The following KALRN variants were observed in gnomAD, a reference collection of about 807,000 sequenced individuals.
KALRN encodes kalirin RhoGEF kinase, also known as kalirin.
In KALRN, 70 loss-of-function variants were observed where a neutral mutation model predicts 353.7. That is an observed-to-expected ratio of 0.20 (90% CI 0.16 to 0.24). KALRN has a LOEUF of 0.24. Among genes scored for constraint, KALRN ranks in the 10% least tolerant of loss-of-function variants. The pLI is 1.00. For missense variants in KALRN, 2,791 were observed against 3,756.7 expected (o/e 0.74, Z 6.72); for synonymous variants, 1,391 against 1,434.8 (o/e 0.97, Z 0.69).
At chr3:124,479,664 G>T (rs1434312650) in intron 27 of KALRN, among the ~76,000 whole-genome samples, 2 of 149,924 alleles carry the variant, frequency 1.3e-5, no homozygotes, top group African/African-American at 4.9e-5. Context: ...ACTGTAAAGA[G>T]AACACAGAGA....
chr3:124,153,956 G>A (rs2068585250), intron 1 of KALRN, among the ~76,000 whole-genome samples: 1 of 152,058 alleles, frequency 6.6e-6, no homozygotes, highest in Non-Finnish European at 1.5e-5. Context: ...CCCACTTTTT[G>A]ATGGGGTTGT....
In KALRN at chr3:124,162,566, G is replaced by T. The variant is rs192407303; in HGVS notation, c.74-65424G>T. On this transcript the variant is annotated intron_variant, in intron 1 of 59. Transcript: ENST00000682506. ...GCTCTGAGGCAAAGTCAAAACACCT[G>T]GTCTTAGTCCTGAGGTGAGGCCCTC... The T allele has an allele frequency of 2.4e-4, 37 of 152,274 alleles. No individual in the cohort carries two copies. The East Asian group carries it at 6.9e-3, about 29-fold the overall frequency. The allele number at this position is 152,274 out of a possible 1,614,324, so 9.4% of individuals were successfully genotyped here.
intron 1 of KALRN, among the ~76,000 whole-genome samples, chr3:124,225,788 C>G (rs1362055613): frequency 6.6e-6 from 1 of 152,008 alleles, no homozygotes; most frequent in Non-Finnish European, 1.5e-5. Context: ...GAACTAGGAC[C>G]CTCTTGTGTA....
intron 1 of KALRN, among the ~76,000 whole-genome samples, chr3:124,214,055 A>G (rs956263477): frequency 2.0e-5 from 3 of 152,220 alleles, no homozygotes; most frequent in African/African-American, 7.2e-5. Context: ...AAGAATAAAT[A>G]AGAAAAATCT....
chr3:124,432,259 A>C (rs1010420075), intron 16 of KALRN, among the ~76,000 whole-genome samples: 2 of 152,050 alleles, frequency 1.3e-5, no homozygotes, highest in Non-Finnish European at 2.9e-5. Flanking sequence ...AAATACAAAA[A>C]AAAAAGTAGC....
In KALRN at chr3:124,687,984, TA is replaced by T. The variant is rs138691903; in HGVS notation, c.7378-5816del. On this transcript the variant is annotated intron_variant, in intron 51 of 59. Transcript: ENST00000682506. ...GGGATTATGTTGCATTTACATTTTTTAAAATTACAGCTTGTCTTATGCTCAT... is the reference window on the plus strand; with the variant it reads ...GGGATTATGTTGCATTTACATTTTTTAAATTACAGCTTGTCTTATGCTCAT... Among the ~76,000 whole-genome samples, 212 of 152,216 alleles carry T rather than the reference TA, an allele frequency of 1.4e-3. 2 individuals carry two copies. The Middle Eastern group carries it at 0.031, about 22-fold the overall frequency.
intron 1 of KALRN, among the ~76,000 whole-genome samples, chr3:124,052,459 T>C (rs1334290002): frequency 6.6e-6 from 1 of 152,160 alleles, no homozygotes; most frequent in African/African-American, 2.4e-5. Flanking sequence ...GACTAACTTA[T>C]TCATCTTCCT....
chr3:124,467,415 G>A (rs1483538302), intron 25 of KALRN, among the ~76,000 whole-genome samples: 1 of 152,220 alleles, frequency 6.6e-6, no homozygotes, highest in East Asian at 1.9e-4. Flanking sequence ...TCTGCAATAA[G>A]GGTGGAGGTG....
intron 33 of KALRN, among the ~76,000 whole-genome samples, chr3:124,526,164 G>A (rs568306015): frequency 4.7e-4 from 72 of 152,258 alleles, no homozygotes; most frequent in Admixed American, 2.0e-3. Flanking sequence ...TCATTCAAAG[G>A]GGATTGCTTA....
intron 10 of KALRN, among the ~76,000 whole-genome samples, chr3:124,382,468 C>T (rs533378628): frequency 5.9e-5 from 9 of 152,248 alleles, no homozygotes; most frequent in African/African-American, 2.2e-4. Context: ...TGTATTATAG[C>T]AATCAGCCAT....
intron 1 of KALRN, among the ~76,000 whole-genome samples, chr3:124,053,731 C>T (rs1577606291): frequency 6.6e-6 from 1 of 152,196 alleles, no homozygotes; most frequent in Non-Finnish European, 1.5e-5. Context: ...TGTGTGCATG[C>T]ACATGATGTT....
At chr3:124,187,565 T>TGTGGGGAGGG (rs2074383908) in intron 1 of KALRN, among the ~76,000 whole-genome samples, 1 of 152,158 alleles carries the variant, frequency 6.6e-6, no homozygotes, top group Non-Finnish European at 1.5e-5. Flanking sequence ...ATTTGGGTGC[T>TGTGGGGAGGG]GTGGGGAGGG....
At chr3:124,566,836 T>C (rs1178807971) in intron 34 of KALRN, among the ~76,000 whole-genome samples, 2 of 152,182 alleles carry the variant, frequency 1.3e-5, no homozygotes. Flanking sequence ...GACAGAGTGG[T>C]CTCATCTGGT....
chr3:124,519,175 G>C lies in KALRN; in HGVS notation c.4935+22762G>C, dbSNP rs555989726. 26 of 985,020 alleles carry C rather than the reference G, an allele frequency of 2.6e-5. No homozygotes were observed. In the South Asian group the frequency reaches 9.9e-4, roughly 37 times the overall value. The allele number at this position is 985,020 out of a possible 1,614,324, so 61.0% of individuals were successfully genotyped here. The stretch of plus-strand genomic sequence containing the variant: ...ACCCTACCAGCCCCTATTTGCTTCA[G>C]GTTATCCTGTTGAGGGTGGGTGGGA... On this transcript the variant is annotated intron_variant, in intron 33 of 59. Coordinates refer to ENST00000682506, the MANE Select transcript of KALRN (RefSeq NM_001388419.1).
intron 45 of KALRN, among the ~76,000 whole-genome samples, chr3:124,662,193 C>CTTTTTTT (rs10549005): frequency 1.0e-5 from 1 of 96,860 alleles, no homozygotes; most frequent in Non-Finnish European, 1.9e-5. Context: ...ACCCAGAATT[C>CTTTTTTT]TTTTTTTTTT....
At chr3:124,243,863 G>C (rs2080802603) in intron 3 of KALRN, among the ~76,000 whole-genome samples, 2 of 152,238 alleles carry the variant, frequency 1.3e-5, no homozygotes, top group African/African-American at 4.8e-5. Context: ...AGAAGGGGCT[G>C]ACAACAACTG....
chr3:124,099,634 C>T (rs1208489904), intron 1 of KALRN, among the ~76,000 whole-genome samples: 1 of 152,162 alleles, frequency 6.6e-6, no homozygotes, highest in Admixed American at 6.6e-5. Context: ...TGAGAAACCT[C>T]CATACTGTTT....
intron 4 of KALRN, among the ~76,000 whole-genome samples, chr3:124,268,236 C>T (rs2073791639): frequency 6.6e-6 from 1 of 152,142 alleles, no homozygotes; most frequent in Non-Finnish European, 1.5e-5. Context: ...GTTCACCATA[C>T]CACAGAAGAG....
intron 10 of KALRN, among the ~76,000 whole-genome samples, chr3:124,371,746 A>G (rs964905662): frequency 6.6e-6 from 1 of 152,220 alleles, no homozygotes; most frequent in East Asian, 1.9e-4. Flanking sequence ...TAAACACAAC[A>G]TGGAGAATGG....
Sources: gnomAD v4.1 joint callset for allele counts (sites outside exome capture counted in the v4.1 genomes callset) on GRCh38, gnomAD v4.1.1 for gene constraint, MANE v1.5 for transcripts, NCBI Gene and HGNC (gene_info 2026-07-23, HGNC 2026-07-21) for gene names.